PXDN: variants seen among roughly 807,000 people sequenced by gnomAD.
PXDN encodes the protein peroxidasin, also known as peroxidasin homolog.
PXDN carries 77 observed loss-of-function variants against 140.3 expected under a neutral mutation model. The ratio of observed to expected loss-of-function variants is 0.55; its 90% CI spans 0.46 to 0.66. The LOEUF is 0.66. Among genes scored for constraint, PXDN ranks in the 30% least tolerant of loss-of-function variants. The probability of loss-of-function intolerance (pLI) is 0.00; values close to 1 mark genes in which losing one functional copy is unlikely to be tolerated. For missense variants in PXDN, 1,838 were observed against 2,039.5 expected (o/e 0.90, Z 1.90); for synonymous variants, 911 against 857.4 (o/e 1.06, Z -1.09).
At chr2:1,704,946 A>G (rs898270291) in intron 1 of PXDN, among the ~76,000 whole-genome samples, 12 of 152,084 alleles carry the variant, frequency 7.9e-5, no homozygotes, top group Non-Finnish European at 4.4e-5. Context: ...CATTAATAAG[A>G]GCAGATGATG....
chr2:1,683,958 A>G, intron 5 of PXDN, 122 bp downstream of exon 5: 1 of 1,070,080 alleles, frequency 9.3e-7, no homozygotes, highest in Non-Finnish European at 1.4e-6. Context: ...TAGACTAGAA[A>G]TATGGATTTT....
At chr2:1,664,749 G>A (rs762359729) in intron 11 of PXDN, 26 of 522,586 alleles carry the variant, frequency 5.0e-5, no homozygotes, top group Non-Finnish European at 8.5e-5. Flanking sequence ...TTCCTGCCAT[G>A]ATGTCCATGA....
chr2:1,718,382 C>T (rs79620574), intron 1 of PXDN, among the ~76,000 whole-genome samples: 22,336 of 152,128 alleles, frequency 0.15, 2,114 homozygotes, highest in East Asian at 0.31. Flanking sequence ...TAACTTACCA[C>T]CCAAACCTAC....
At chr2:1,643,039 C>A (rs1252749842) in intron 19 of PXDN, among the ~76,000 whole-genome samples, 1 of 152,190 alleles carries the variant, frequency 6.6e-6, no homozygotes, top group Admixed American at 6.5e-5. Flanking sequence ...TCTGGCTACA[C>A]AAGTACTGGA....
chr2:1,658,520 G>C (rs951449720), intron 14 of PXDN, among the ~76,000 whole-genome samples: 1 of 151,608 alleles, frequency 6.6e-6, no homozygotes, highest in Non-Finnish European at 1.5e-5. Flanking sequence ...CTGTGGGCCC[G>C]GGTGCAGGCA....
chr2:1,652,287 G>A (rs1445969385), intron 16 of PXDN, among the ~76,000 whole-genome samples: 3 of 152,072 alleles, frequency 2.0e-5, no homozygotes, highest in Non-Finnish European at 4.4e-5. Context: ...GAAAGGTAGG[G>A]AGTAGCAAGA....
rs1683434850 is a variant in PXDN, at chr2:1,666,197, A to G, written c.1291+17T>C. On this transcript the variant is annotated intron_variant, in intron 10 of 22. Transcript: ENST00000252804. Reference sequence around the variant, plus strand: ...TGGGGCTGAGCCCTGGCTCTGGCACAGAGGATGGATACCCACCCTGGACGA... The same window carrying G: ...TGGGGCTGAGCCCTGGCTCTGGCACGGAGGATGGATACCCACCCTGGACGA... 5 of 1,611,718 alleles carry G rather than the reference A, an allele frequency of 3.1e-6. No individual in the cohort carries two copies. The East Asian group carries it at 1.1e-4, about 36-fold the overall frequency.
At chr2:1,733,050 G>C (rs934531442) in intron 1 of PXDN, among the ~76,000 whole-genome samples, 11 of 152,228 alleles carry the variant, frequency 7.2e-5, no homozygotes, top group African/African-American at 2.6e-4. Flanking sequence ...GAAACACATA[G>C]AGAAAAAGGC....
chr2:1,728,905 C>T (rs901593625), intron 1 of PXDN, among the ~76,000 whole-genome samples: 8 of 152,206 alleles, frequency 5.3e-5, no homozygotes, highest in Non-Finnish European at 8.8e-5. Flanking sequence ...CGAGACAGGC[C>T]GAGCCCTCTT....
chr2:1,692,634 G>A, intron 2 of PXDN: 1 of 472,488 alleles, frequency 2.1e-6, no homozygotes, highest in Non-Finnish European at 4.4e-6. Flanking sequence ...GGCCCTGCCT[G>A]CTCCCTCCAG....
At chr2:1,682,539 T>C (rs972732352) in intron 6 of PXDN, among the ~76,000 whole-genome samples, 2 of 152,192 alleles carry the variant, frequency 1.3e-5, no homozygotes, top group Non-Finnish European at 2.9e-5. Context: ...TTCAAGACCA[T>C]GAAGGAAAAC....
At position 1,744,308 on chromosome 2, in the gene PXDN, T is replaced by G; in HGVS notation, c.148A>C (p.Met50Leu). The G allele has an allele frequency of 6.5e-7, 1 of 1,527,410 alleles. No homozygotes were observed. The highest frequency in any genetic ancestry group is 1.4e-5 in the African/African-American group (1 of 71,684). 94.6% of individuals were successfully genotyped at this position (1,527,410 alleles called of 1,614,324 possible). ...GGCACGGCCTCCAGCAGCAGATGCA[T>G]GCAGCGCACGGTGGTGCGGAAGCAC... ...CLCFRTTVRC[M>L]HLLLEAVPAV... The change falls in exon 1 of 23, where the codon ATG becomes CTG. Residue 50 changes from methionine (M) to leucine (L), a missense_variant. By Grantham distance (15) the Met-to-Leu change is conservative. Coordinates refer to ENST00000252804, the MANE Select transcript of PXDN (RefSeq NM_012293.3).
At position 1,635,390 on chromosome 2, in the gene PXDN, A is replaced by G; in HGVS notation, c.4320+18T>C. ...TGCGTATACCTTAGGACATGAAGAT[A>G]GAGCCCCCCATACTCACTTTGCATT... On this transcript the variant is annotated intron_variant, in intron 22 of 22. Transcript: ENST00000252804. 6.4e-7 allele frequency: 1 copy of G among 1,554,700 alleles called. No homozygotes were observed. Among genetic ancestry groups the G allele is most frequent in the East Asian group, 2.4e-5 (1 of 42,434 alleles).
chr2:1,649,393 C>A lies in PXDN; in HGVS notation c.2387G>T (p.Arg796Leu), dbSNP rs776406074. The part of the protein sequence containing the change: ...LYNGHALPMP[R>L]LVSTTLIGTE... ...CCCGATCAGGGTGGTGGACACCAGGCGCGGCATGGGAAGGGCGTGCCCGTT... is the reference window on the plus strand; with the variant it reads ...CCCGATCAGGGTGGTGGACACCAGGAGCGGCATGGGAAGGGCGTGCCCGTT... The change falls in exon 17 of 23, where the codon CGC becomes CTC. Residue 796 changes from arginine (R) to leucine (L), a missense_variant. Arg to Leu is a moderately radical substitution (Grantham distance 102, BLOSUM62 -2). This residue lies in a region of PXDN where 537 missense variants were observed against 583.9 expected (regional missense o/e 0.92). Transcript: ENST00000252804. The surrounding 1 kb of genome is among the most constrained non-coding windows in gnomAD (Gnocchi z 7.1). 6.2e-7 allele frequency: 1 copy of A among 1,613,854 alleles called. No homozygotes were observed. Among genetic ancestry groups the A allele is most frequent in the East Asian group, 2.2e-5 (1 of 44,836 alleles).
chr2:1,731,190 G>A (rs1324415502), intron 1 of PXDN, among the ~76,000 whole-genome samples: 1 of 142,612 alleles, frequency 7.0e-6, no homozygotes, highest in Non-Finnish European at 1.5e-5. Flanking sequence ...ATGAACTAGT[G>A]AGAGGAAGTT....
rs1683017080 is a variant in PXDN at position 1,651,662 on chromosome 2, C to A, written c.2104+1966G>T. 6.6e-6 allele frequency among the ~76,000 whole-genome samples: 1 copy of A among 152,158 alleles called. No individual in the cohort carries two copies. The highest frequency in any genetic ancestry group is 1.5e-5 in the Non-Finnish European group (1 of 68,032). On this transcript the variant is annotated intron_variant, in intron 16 of 22. Transcript: ENST00000252804. The surrounding 1 kb of genome is among the most constrained non-coding windows in gnomAD (Gnocchi z 4.4). ...ACCTCCAAGACTCTGCATGTGTGGT[C>A]CCCTCAGATGCTCCAGGGAGGCCCC...
intron 1 of PXDN, among the ~76,000 whole-genome samples, chr2:1,706,389 T>G (rs1238461855): frequency 6.6e-6 from 1 of 151,990 alleles, no homozygotes; most frequent in African/African-American, 2.4e-5. Context: ...CACAGAATCT[T>G]ACATCCTGCT....
At chr2:1,640,118 T>A (rs999809898) in intron 19 of PXDN, among the ~76,000 whole-genome samples, 2 of 141,428 alleles carry the variant, frequency 1.4e-5, no homozygotes, top group Non-Finnish European at 3.1e-5. Context: ...GCCGTGTCCC[T>A]CCTGGTCCCC....
chr2:1,721,269 T>A (rs1685045798), intron 1 of PXDN, among the ~76,000 whole-genome samples: 1 of 152,166 alleles, frequency 6.6e-6, no homozygotes, highest in African/African-American at 2.4e-5. Context: ...GCAGCTGAGA[T>A]GAAGCCAACT....
Sources: gnomAD v4.1 joint callset for allele counts (sites outside exome capture counted in the v4.1 genomes callset) on GRCh38, gnomAD v4.1.1 for gene constraint, gnomAD v4.1.1 regional missense constraint, Gnocchi (gnomAD v3.1) non-coding constraint, MANE v1.5 for transcripts, NCBI Gene and HGNC (gene_info 2026-07-23, HGNC 2026-07-21) for gene names.